The following NFATC2 variants were observed in gnomAD, a reference collection of about 807,000 sequenced individuals.
NFATC2 encodes the protein nuclear factor of activated T cells 2.
NFATC2 carries 22 observed loss-of-function variants against 87.3 expected under a neutral mutation model. The observed-to-expected ratio is 0.25, with a 90% CI of 0.18 to 0.36. NFATC2 has a LOEUF of 0.36. NFATC2 is among the 10% of genes least tolerant of loss of function. The pLI, the probability that NFATC2 is intolerant of heterozygous loss-of-function variation, is 1.00. For synonymous variants in NFATC2, 565 were observed against 542.2 expected (o/e 1.04, Z -0.58); for missense variants, 1,149 against 1,259.1 (o/e 0.91, Z 1.32).
chr20:51,540,647 G>GTTTTTTTTTTTTTTTTTTTTTTTTTT lies in NFATC2; in HGVS notation c.130+1722_130+1723insAAAAAAAAAAAAAAAAAAAAAAAAAA, dbSNP rs375172598. ...ATCTGAAACTGTTCCAAAAACTGAAGTTTTTTTTTTGTTTTTTTTTTTTTG... is the reference window on the plus strand; with the variant it reads ...ATCTGAAACTGTTCCAAAAACTGAAGTTTTTTTTTTTTTTTTTTTTTTTTTTTTTTTTTTTTGTTTTTTTTTTTTTG... On this transcript the variant is annotated intron_variant, in intron 1 of 10. Coordinates refer to ENST00000371564, the MANE Select transcript of NFATC2 (RefSeq NM_012340.5). 1.5e-4 allele frequency among the ~76,000 whole-genome samples: 17 copies of GTTTTTTTTTTTTTTTTTTTTTTTTTT among 112,968 alleles called. 3 individuals carry two copies. Among genetic ancestry groups the GTTTTTTTTTTTTTTTTTTTTTTTTTT allele is most frequent in the African/African-American group, 3.9e-4 (9 of 22,872 alleles). 74.1% of individuals were successfully genotyped at this position (112,968 alleles called of 152,430 possible).
intron 3 of NFATC2, among the ~76,000 whole-genome samples, chr20:51,510,591 C>T (rs1303129203): frequency 1.3e-5 from 2 of 152,204 alleles, no homozygotes; most frequent in African/African-American, 2.4e-5. Context: ...TAGACTTGTT[C>T]TACTTCAATA....
intron 5 of NFATC2, among the ~76,000 whole-genome samples, chr20:51,457,412 C>T (rs995455583): frequency 6.6e-6 from 1 of 152,162 alleles, no homozygotes; most frequent in South Asian, 2.1e-4. Flanking sequence ...CAGTGCTGGG[C>T]GGGAGGCTGG....
chr20:51,496,231 T>C (rs1007009823), intron 3 of NFATC2, among the ~76,000 whole-genome samples: 8 of 152,270 alleles, frequency 5.3e-5, no homozygotes, highest in Non-Finnish European at 1.2e-4. Context: ...GATCTTCTGA[T>C]TGTTAGAAAT....
At chr20:51,479,292 A>G (rs116822538) in intron 3 of NFATC2, among the ~76,000 whole-genome samples, 18 of 152,244 alleles carry the variant, frequency 1.2e-4, no homozygotes, top group Admixed American at 2.6e-4. Flanking sequence ...AGCATGGTCA[A>G]TGAACATTTG....
intron 9 of NFATC2, among the ~76,000 whole-genome samples, chr20:51,407,822 AAAG>A (rs779087372): frequency 1.2e-4 from 19 of 152,168 alleles, no homozygotes; most frequent in Non-Finnish European, 2.4e-4. Context: ...GGTCCAACTT[AAAG>A]AAGGAGAAAT....
chr20:51,398,759 A>C, intron 9 of NFATC2, 29 bp from the exon 10 acceptor site: 1 of 1,459,698 alleles, frequency 6.9e-7, no homozygotes, highest in East Asian at 2.3e-5. Flanking sequence ...ATCATTTTTG[A>C]GAAGAAAAAA....
rs753422532 is a variant in NFATC2 at position 51,391,242 on chromosome 20, G to A, written c.*254C>T. On this transcript the variant is annotated 3_prime_UTR_variant, in exon 11 of 11. Transcript: ENST00000371564. ...TCTCTGGTGTTTAGAGGGAGGTGGC[G>A]AGCTCCTTAAGTGAGAGTCCGCTTA... is the stretch of plus-strand genomic sequence containing the variant. 8.8e-6 allele frequency: 7 copies of A among 791,034 alleles called. No homozygotes were observed. In the East Asian group the frequency reaches 1.2e-4, roughly 14 times the overall value. 49.0% of individuals were successfully genotyped at this position (791,034 alleles called of 1,614,324 possible).
chr20:51,561,568 T>TCCCCCCCCCC (rs113481949), intron 1 of NFATC2, among the ~76,000 whole-genome samples: 2 of 126,632 alleles, frequency 1.6e-5, no homozygotes, highest in Non-Finnish European at 3.3e-5. Flanking sequence ...TGTCATTTCT[T>TCCCCCCCCCC]CCCCCCCCCA....
At chr20:51,459,877 T>G (rs975797898) in intron 5 of NFATC2, among the ~76,000 whole-genome samples, 1 of 151,824 alleles carries the variant, frequency 6.6e-6, no homozygotes, top group African/African-American at 2.4e-5. Flanking sequence ...AGACTTCATC[T>G]CAAAAAAACA....
At chr20:51,507,701 C>T (rs925038772) in intron 3 of NFATC2, among the ~76,000 whole-genome samples, 4 of 152,234 alleles carry the variant, frequency 2.6e-5, no homozygotes, top group African/African-American at 7.2e-5. Context: ...CCACCCGCTT[C>T]GTCTACTTCC....
chr20:51,466,665 G>A (rs1003430842), intron 5 of NFATC2, among the ~76,000 whole-genome samples: 1 of 152,180 alleles, frequency 6.6e-6, no homozygotes, highest in Non-Finnish European at 1.5e-5. Context: ...GAATGTCTTT[G>A]CTACCTTCAG....
intron 6 of NFATC2, among the ~76,000 whole-genome samples, chr20:51,453,313 G>A (rs903889003): frequency 2.0e-5 from 3 of 152,182 alleles, no homozygotes; most frequent in African/African-American, 7.2e-5. Context: ...CGTGTAAACT[G>A]GTGATGTATC....
intron 1 of NFATC2, among the ~76,000 whole-genome samples, chr20:51,558,863 C>G (rs1294082598): frequency 6.6e-6 from 1 of 152,166 alleles, no homozygotes; most frequent in East Asian, 1.9e-4. Flanking sequence ...AAGATTTGAA[C>G]CTCTGATTCA....
rs142046781 is a variant in NFATC2 at position 51,449,973 on chromosome 20, TAA to T, written c.1849+4573_1849+4574del. On this transcript the variant is annotated intron_variant, in intron 6 of 10. Transcript: ENST00000371564. Reference sequence around the variant, plus strand: ...TTTAATGTCTCTTGGTTCCATGAGATAAAGTCTTACTTGTCTTTGTTTTTCTA... The same window carrying T: ...TTTAATGTCTCTTGGTTCCATGAGATAGTCTTACTTGTCTTTGTTTTTCTA... Among the ~76,000 whole-genome samples the T allele has an allele frequency of 7.0e-3, 1,067 of 152,314 alleles. 16 individuals are homozygous for T. Among genetic ancestry groups the T allele is most frequent in the African/African-American group, 0.024 (996 of 41,562 alleles).
chr20:51,426,011 G>T (rs754042336), intron 9 of NFATC2, among the ~76,000 whole-genome samples: 2 of 152,166 alleles, frequency 1.3e-5, no homozygotes, highest in African/African-American at 2.4e-5. Flanking sequence ...GGAAGCGGGG[G>T]GAGGGAGCCT....
chr20:51,391,470 G>GC lies in NFATC2; in HGVS notation c.*45-20_*45-19insG, dbSNP rs71192523. Reference sequence around the variant, plus strand: ...TCATTAACTACAAAAGAAAAGAGGAGGGGGGGGGAGAGAGAATGGGGCAAG... The same window carrying GC: ...TCATTAACTACAAAAGAAAAGAGGAGCGGGGGGGGAGAGAGAATGGGGCAAG... On this transcript the variant is annotated intron_variant, in intron 10 of 10. Transcript: ENST00000371564. 6.2e-5 allele frequency: 84 copies of GC among 1,362,244 alleles called. 1 individual carries two copies. Among genetic ancestry groups the GC allele is most frequent in the South Asian group, 2.4e-4 (20 of 83,892 alleles). The allele number at this position is 1,362,244 out of a possible 1,614,324, so 84.4% of individuals were successfully genotyped here.
rs114125817 is a variant in NFATC2 at position 51,394,753 on chromosome 20, A to C, written c.*45-3302T>G. Among the ~76,000 whole-genome samples, 555 of 140,102 alleles carry C rather than the reference A, an allele frequency of 4.0e-3. 1 individual carries two copies. The highest frequency in any genetic ancestry group is 0.018 in the African/African-American group (537 of 30,260). The allele number at this position is 140,102 out of a possible 152,430, so 91.9% of individuals were successfully genotyped here. On this transcript the variant is annotated intron_variant, in intron 10 of 10. Coordinates refer to ENST00000371564, the MANE Select transcript of NFATC2 (RefSeq NM_012340.5). ...GCCTCTGAGGTTTGGGTGCTGAACC[A>C]CTCTCCTGTATTATTGCCATCAACA...
intron 9 of NFATC2, among the ~76,000 whole-genome samples, chr20:51,404,103 G>C (rs1395491686): frequency 6.6e-6 from 1 of 151,710 alleles, no homozygotes; most frequent in African/African-American, 2.4e-5. Context: ...ATGCCTAGGA[G>C]GCCCTCTTTT....
intron 1 of NFATC2, among the ~76,000 whole-genome samples, chr20:51,525,853 A>T (rs567190859): frequency 1.3e-4 from 20 of 151,580 alleles, no homozygotes; most frequent in Admixed American, 3.3e-4. Flanking sequence ...AAAACCTACT[A>T]TAAAGGCTTC....
Sources: gnomAD v4.1 joint callset for allele counts (sites outside exome capture counted in the v4.1 genomes callset) on GRCh38, gnomAD v4.1.1 for gene constraint, MANE v1.5 for transcripts, NCBI Gene and HGNC (gene_info 2026-07-23, HGNC 2026-07-21) for gene names.